The following KLF12 variants were observed in gnomAD, a reference collection of about 807,000 sequenced individuals.
KLF12 encodes KLF transcription factor 12.
KLF12 carries 9 observed loss-of-function variants against 37.8 expected under a neutral mutation model. The observed-to-expected ratio is 0.24, with a 90% confidence interval of 0.14 to 0.42. The LOEUF (loss-of-function observed/expected upper bound fraction) is 0.42. KLF12 is among the 10% of genes least tolerant of loss of function. The pLI is 1.00. For synonymous variants in KLF12, 208 were observed against 202.1 expected (o/e 1.03, Z -0.25); for missense variants, 411 against 516.0 (o/e 0.80, Z 1.97).
chr13:74,196,925 A>G, the KLF12 span, among the ~76,000 whole-genome samples: 11 of 152,302 alleles, frequency 7.2e-5, no homozygotes, highest in East Asian at 1.2e-3. Flanking sequence ...ATGTGCATGC[A>G]TGGAGGGACA....
At chr13:73,759,115 C>T (rs1179552059) in intron 6 of KLF12, among the ~76,000 whole-genome samples, 3 of 152,148 alleles carry the variant, frequency 2.0e-5, no homozygotes, top group African/African-American at 7.2e-5. Flanking sequence ...ATACAGAGAA[C>T]TTGCAAGCAG....
chr13:74,239,072 G>A, the KLF12 span, among the ~76,000 whole-genome samples: 1 of 145,996 alleles, frequency 6.8e-6, no homozygotes, highest in Non-Finnish European at 1.5e-5. Context: ...TCTCTTGTGG[G>A]CATTTAGTGC....
chr13:74,110,793 A>G (rs951404242), intron 1 of KLF12, among the ~76,000 whole-genome samples: 2 of 152,220 alleles, frequency 1.3e-5, no homozygotes, highest in African/African-American at 4.8e-5. Context: ...AACATTAAAC[A>G]TAAGAACTCA....
the KLF12 span, among the ~76,000 whole-genome samples, chr13:74,293,526 G>C: frequency 2.0e-5 from 3 of 152,050 alleles, no homozygotes; most frequent in African/African-American, 7.3e-5. Flanking sequence ...ATGAACTGAC[G>C]GAAGTGTCAC....
At chr13:74,132,313 G>A (rs1878305310) in intron 1 of KLF12, among the ~76,000 whole-genome samples, 1 of 152,110 alleles carries the variant, frequency 6.6e-6, no homozygotes, top group Admixed American at 6.5e-5. Flanking sequence ...TAAGAAAAGG[G>A]CATGGAGGCG....
At chr13:74,053,885 C>T (rs941834174) in intron 1 of KLF12, among the ~76,000 whole-genome samples, 3 of 152,126 alleles carry the variant, frequency 2.0e-5, no homozygotes, top group African/African-American at 7.2e-5. Flanking sequence ...AAAATGGGAC[C>T]TAGAGACACA....
At chr13:73,949,785 G>A (rs1890577806) in intron 2 of KLF12, among the ~76,000 whole-genome samples, 1 of 152,172 alleles carries the variant, frequency 6.6e-6, no homozygotes, top group African/African-American at 2.4e-5. Context: ...CCAGAAGTGG[G>A]ACAAAATAAA....
chr13:73,985,446 T>C (rs936313870), intron 2 of KLF12, among the ~76,000 whole-genome samples: 31 of 152,164 alleles, frequency 2.0e-4, no homozygotes, highest in African/African-American at 7.0e-4. Flanking sequence ...GGAAAGGGAT[T>C]ACTCACGGCA....
the KLF12 span, among the ~76,000 whole-genome samples, chr13:74,152,659 G>A: frequency 6.6e-6 from 1 of 152,002 alleles, no homozygotes; most frequent in Admixed American, 6.5e-5. Context: ...GAGGTGGGAG[G>A]ATCACTTGAG....
intron 1 of KLF12, among the ~76,000 whole-genome samples, chr13:74,116,602 A>G (rs957872031): frequency 1.3e-5 from 2 of 152,218 alleles, no homozygotes; most frequent in Admixed American, 6.5e-5. Flanking sequence ...ACACAGTTTA[A>G]GATGTCATAG....
chr13:73,984,621 T>C (rs187756841), intron 2 of KLF12, among the ~76,000 whole-genome samples: 1 of 152,168 alleles, frequency 6.6e-6, no homozygotes, highest in Non-Finnish European at 1.5e-5. Flanking sequence ...GCCAAATATA[T>C]AGAAGCAACA....
At chr13:73,959,995 T>C (rs1201874483) in intron 2 of KLF12, among the ~76,000 whole-genome samples, 1 of 152,030 alleles carries the variant, frequency 6.6e-6, no homozygotes, top group Non-Finnish European at 1.5e-5. Context: ...TGAAAAAAAC[T>C]GGAGATACAT....
intron 1 of KLF12, among the ~76,000 whole-genome samples, chr13:74,099,847 T>C (rs919391929): frequency 3.3e-5 from 5 of 151,936 alleles, no homozygotes; most frequent in Non-Finnish European, 7.4e-5. Context: ...AAAAAAAAAG[T>C]GTTGATTTAA....
the KLF12 span, among the ~76,000 whole-genome samples, chr13:74,199,995 G>T: frequency 2.6e-5 from 4 of 152,008 alleles, no homozygotes; most frequent in African/African-American, 9.7e-5. Flanking sequence ...ACTTCTGGGT[G>T]CTGAGGCCTT....
At chr13:74,006,463 T>G (rs558976767) in intron 1 of KLF12, among the ~76,000 whole-genome samples, 1 of 152,316 alleles carries the variant, frequency 6.6e-6, no homozygotes, top group South Asian at 2.1e-4. Flanking sequence ...AATTTCCCAC[T>G]TAAATCTCTA....
intron 7 of KLF12, among the ~76,000 whole-genome samples, chr13:73,707,074 A>T (rs1293814348): frequency 6.6e-6 from 1 of 152,152 alleles, no homozygotes; most frequent in Admixed American, 6.5e-5. Flanking sequence ...CTGGGTAGAC[A>T]TGCATAGGAG....
chr13:74,247,431 G>GT, the KLF12 span, among the ~76,000 whole-genome samples: 46 of 152,070 alleles, frequency 3.0e-4, no homozygotes, highest in African/African-American at 1.1e-3. Flanking sequence ...TCTTGAATCA[G>GT]TTTTTTGGCA....
chr13:73,700,643 G>C (rs1471165470), intron 7 of KLF12, among the ~76,000 whole-genome samples: 1 of 151,926 alleles, frequency 6.6e-6, no homozygotes, highest in Non-Finnish European at 1.5e-5. Context: ...GAGTTATGGG[G>C]GTAGGGGAAG....
intron 3 of KLF12, among the ~76,000 whole-genome samples, chr13:73,853,682 T>C (rs1885452852): frequency 6.7e-6 from 1 of 150,148 alleles, no homozygotes; most frequent in South Asian, 2.1e-4. Flanking sequence ...AAGGTTGCAG[T>C]GAGCTGAGAT....
Sources: allele counts gnomAD v4.1 joint callset (sites outside exome capture counted in the v4.1 genomes callset), GRCh38; gene constraint gnomAD v4.1.1; transcripts MANE v1.5; gene names NCBI Gene and HGNC (gene_info 2026-07-23, HGNC 2026-07-21).